Variants in ZFAND4 observed in about 807,000 individuals in gnomAD.
ZFAND4 encodes zinc finger AN1-type containing 4.
Under a neutral mutation model 64.4 loss-of-function variants are expected in ZFAND4, and 43 were observed. That is an observed-to-expected ratio of 0.67 (90% CI 0.52 to 0.86). The LOEUF is 0.86. Among genes scored for constraint, ZFAND4 ranks in the 40% least tolerant of loss-of-function variants. The pLI, the probability that ZFAND4 is intolerant of heterozygous loss-of-function variation, is 0.00. For synonymous variants in ZFAND4, 296 were observed against 305.7 expected (o/e 0.97, Z 0.33); for missense variants, 929 against 859.8 (o/e 1.08, Z -1.01).
chr10:45,656,515 A>G (rs2133818186), intron 2 of ZFAND4, among the ~76,000 whole-genome samples: 1 of 150,166 alleles, frequency 6.7e-6, no homozygotes, highest in African/African-American at 2.4e-5. Context: ...AAAAAAAAAA[A>G]AAAAAAAAAA....
chr10:45,668,515 C>T (rs1210680620), intron 1 of ZFAND4, among the ~76,000 whole-genome samples: 1 of 152,200 alleles, frequency 6.6e-6, no homozygotes, highest in Non-Finnish European at 1.5e-5. Context: ...AAGACAGGAT[C>T]AAATTCACAC....
At chr10:45,621,708 C>T (rs2045441081) in intron 8 of ZFAND4, among the ~76,000 whole-genome samples, 1 of 152,056 alleles carries the variant, frequency 6.6e-6, no homozygotes, top group Non-Finnish European at 1.5e-5. Flanking sequence ...TGCCACCGCA[C>T]TCCAGCCTGG....
chr10:45,628,364 C>T (rs1389856135), intron 6 of ZFAND4, among the ~76,000 whole-genome samples: 2 of 152,204 alleles, frequency 1.3e-5, no homozygotes, highest in East Asian at 3.8e-4. Flanking sequence ...GTCGCCTAGG[C>T]AGGAGTGCAA....
At chr10:45,621,940 G>A (rs770259589) in intron 8 of ZFAND4, among the ~76,000 whole-genome samples, 148 of 152,138 alleles carry the variant, frequency 9.7e-4, no homozygotes, top group Non-Finnish European at 1.8e-3. Flanking sequence ...CAGTGACCAC[G>A]GCAATAGCAG....
intron 9 of ZFAND4, among the ~76,000 whole-genome samples, chr10:45,617,417 C>G (rs2045062745): frequency 1.3e-5 from 2 of 151,668 alleles, no homozygotes; most frequent in Non-Finnish European, 2.9e-5. Context: ...CACTTGAGGC[C>G]AGGAGTTTGA....
At chr10:45,634,701 A>T (rs1009757566) in intron 6 of ZFAND4, among the ~76,000 whole-genome samples, 8 of 152,146 alleles carry the variant, frequency 5.3e-5, no homozygotes, top group African/African-American at 1.9e-4. Flanking sequence ...ACAAATTTGA[A>T]AGAAGGAAGT....
In ZFAND4 at chr10:45,639,853, A is replaced by C; in HGVS notation, c.680T>G (p.Leu227Arg). 1 of 1,612,544 alleles carries C rather than the reference A, an allele frequency of 6.2e-7. No homozygotes were observed. The highest frequency in any genetic ancestry group is 8.5e-7 in the Non-Finnish European group (1 of 1,179,664). The stretch of plus-strand genomic sequence containing the variant: ...ATTCATGTTCTTCATCTTAGCCTTC[A>C]GCAGCTTCATCTTATTCATAGTTAT... ...NSITMNKMKLLKAKMKNMNLS... is the reference protein window; with the variant it reads ...NSITMNKMKLRKAKMKNMNLS... Residue 227 changes from leucine to arginine, a missense_variant, in exon 6 of 10, where the codon CTG becomes CGG. By Grantham distance (102) the Leu-to-Arg change is moderately radical (BLOSUM62 -2). Coordinates refer to ENST00000344646, the MANE Select transcript of ZFAND4 (RefSeq NM_174890.4).
intron 5 of ZFAND4, among the ~76,000 whole-genome samples, chr10:45,641,410 T>G (rs1200103096): frequency 6.6e-6 from 1 of 152,208 alleles, no homozygotes; most frequent in East Asian, 1.9e-4. Context: ...ATGGAAACAA[T>G]TTAGGACAGC....
At chr10:45,667,458 C>CTTTTTTTT (rs60572011) in intron 1 of ZFAND4, among the ~76,000 whole-genome samples, 62 of 90,472 alleles carry the variant, frequency 6.9e-4, no homozygotes, top group East Asian at 1.0e-3. Context: ...TCTTTTCTTT[C>CTTTTTTTT]TTTTTTTTTT....
intron 1 of ZFAND4, among the ~76,000 whole-genome samples, chr10:45,666,895 T>C (rs930854813): frequency 1.3e-5 from 2 of 152,240 alleles, no homozygotes; most frequent in East Asian, 1.9e-4. Context: ...TCTTAATTAA[T>C]GTAGCTTTGT....
At chr10:45,620,493 GA>G (rs1392113534) in intron 8 of ZFAND4, among the ~76,000 whole-genome samples, 4 of 151,966 alleles carry the variant, frequency 2.6e-5, no homozygotes, top group Non-Finnish European at 5.9e-5. Context: ...TAAAAAAAAA[GA>G]ACTCTTGCGA....
At chr10:45,666,730 T>C (rs1385424434) in intron 1 of ZFAND4, among the ~76,000 whole-genome samples, 2 of 152,248 alleles carry the variant, frequency 1.3e-5, no homozygotes, top group Middle Eastern at 3.2e-3. Flanking sequence ...CTTTTGCATG[T>C]GGATAACCAG....
At chr10:45,638,809 T>C (rs1313783956) in intron 6 of ZFAND4, among the ~76,000 whole-genome samples, 1 of 152,188 alleles carries the variant, frequency 6.6e-6, no homozygotes, top group Admixed American at 6.5e-5. Context: ...ACCACATGGA[T>C]AAATCAAACA....
intron 9 of ZFAND4, 170 bp downstream of exon 9, chr10:45,617,970 G>T: frequency 1.7e-6 from 1 of 587,284 alleles, no homozygotes; most frequent in Non-Finnish European, 2.7e-6. Context: ...AAACCCATGA[G>T]CTATCTACTT....
At chr10:45,667,257 T>G (rs1410189340) in intron 1 of ZFAND4, among the ~76,000 whole-genome samples, 2 of 152,198 alleles carry the variant, frequency 1.3e-5, no homozygotes, top group African/African-American at 2.4e-5. Context: ...TATTTACAGA[T>G]TGCTCATTGC....
At chr10:45,622,662 G>A (rs139029021) in intron 8 of ZFAND4, among the ~76,000 whole-genome samples, 3 of 152,134 alleles carry the variant, frequency 2.0e-5, no homozygotes, top group African/African-American at 7.2e-5. Context: ...AGTCAGGGTT[G>A]GCTTGTGAAA....
At chr10:45,653,686 TGAG>T (rs2047908830) in intron 2 of ZFAND4, among the ~76,000 whole-genome samples, 1 of 152,204 alleles carries the variant, frequency 6.6e-6, no homozygotes, top group Non-Finnish European at 1.5e-5. Context: ...TTGTCAAGGT[TGAG>T]GAGAACAGGG....
In ZFAND4 at chr10:45,651,873, A is replaced by G. The variant is rs180810168; in HGVS notation, c.328+93T>C. On this transcript the variant is annotated intron_variant, in intron 4 of 9. Transcript: ENST00000344646. ...TGATTTTTCTAAGACCTAATAGCAG[A>G]AAGGAAACCTAAATAAAACCTGAGG... 6.1e-6 allele frequency: 7 copies of G among 1,154,954 alleles called. No individual in the cohort carries two copies. In the Admixed American group the frequency reaches 1.4e-4, roughly 23 times the overall value. The allele number at this position is 1,154,954 out of a possible 1,614,324, so 71.5% of individuals were successfully genotyped here. A position where few individuals can be genotyped will look rare whatever the true frequency, so the allele number is the denominator to read the frequency against.
At chr10:45,630,863 C>A (rs924771888) in intron 6 of ZFAND4, among the ~76,000 whole-genome samples, 2 of 150,504 alleles carry the variant, frequency 1.3e-5, no homozygotes, top group Admixed American at 1.3e-4. Context: ...TATCTCATGC[C>A]GCTGAGGCAG....
Sources: gnomAD v4.1 joint callset for allele counts (sites outside exome capture counted in the v4.1 genomes callset) on GRCh38, gnomAD v4.1.1 for gene constraint, MANE v1.5 for transcripts, NCBI Gene and HGNC (gene_info 2026-07-23, HGNC 2026-07-21) for gene names.